RAB7A: variants seen among roughly 807,000 people sequenced by gnomAD.
RAB7A encodes the protein ras-related protein Rab-7a.
Under a neutral mutation model 24.5 loss-of-function variants are expected in RAB7A, and 2 were observed. The ratio of observed to expected loss-of-function variants is 0.08; its 90% CI spans 0.03 to 0.26. The LOEUF (loss-of-function observed/expected upper bound fraction) is 0.26, where lower values mean the gene tolerates loss of function less well. Ranked by LOEUF, RAB7A falls within the 10% of genes least tolerant of loss-of-function variation. The probability of loss-of-function intolerance (pLI) is 1.00; values close to 1 mark genes in which losing one functional copy is unlikely to be tolerated. For missense variants in RAB7A, 118 were observed against 255.7 expected (o/e 0.46, Z 3.67); for synonymous variants, 100 against 95.9 (o/e 1.04, Z -0.25).
At chr3:128,774,318 A>G (rs571407719) in intron 1 of RAB7A, among the ~76,000 whole-genome samples, 3 of 151,710 alleles carry the variant, frequency 2.0e-5, no homozygotes, top group East Asian at 3.9e-4. Flanking sequence ...TAAATGCTAT[A>G]TGGCCAAAAT....
intron 1 of RAB7A, among the ~76,000 whole-genome samples, chr3:128,755,294 A>C (rs547721076): frequency 8.5e-5 from 13 of 152,312 alleles, no homozygotes; most frequent in Admixed American, 7.9e-4. Flanking sequence ...AAAAAAAAGG[A>C]TTAGAAACAA....
chr3:128,768,725 A>T (rs796067811), intron 1 of RAB7A, among the ~76,000 whole-genome samples: 1,768 of 137,266 alleles, frequency 0.013, 32 homozygotes, highest in African/African-American at 0.042. Context: ...CACCTGGCTA[A>T]TTTTTTTTTT....
chr3:128,735,887 C>G (rs912052341), intron 1 of RAB7A, among the ~76,000 whole-genome samples: 1 of 152,206 alleles, frequency 6.6e-6, no homozygotes, highest in South Asian at 2.1e-4. Context: ...CCTGGTCTCT[C>G]GTTAGAGACT....
chr3:128,732,049 T>TTC (rs1483282443), intron 1 of RAB7A, among the ~76,000 whole-genome samples: 1 of 149,852 alleles, frequency 6.7e-6, no homozygotes, highest in South Asian at 2.1e-4. Context: ...TTTTTTTTTT[T>TTC]TCTCTCTCTG....
chr3:128,739,002 G>A (rs781199902), intron 1 of RAB7A, among the ~76,000 whole-genome samples: 4 of 152,056 alleles, frequency 2.6e-5, no homozygotes, highest in Admixed American at 1.3e-4. Flanking sequence ...AGATCCTTTC[G>A]TATTTTGACA....
At chr3:128,727,530 C>T (rs2070392986) in intron 1 of RAB7A, among the ~76,000 whole-genome samples, 1 of 152,208 alleles carries the variant, frequency 6.6e-6, no homozygotes, top group African/African-American at 2.4e-5. Context: ...CCGTTTGCGA[C>T]TTATCACACA....
chr3:128,775,266 C>T (rs996165815), intron 1 of RAB7A, among the ~76,000 whole-genome samples: 1 of 152,178 alleles, frequency 6.6e-6, no homozygotes, highest in Non-Finnish European at 1.5e-5. Context: ...TGGTAGGCCA[C>T]CTGGCTTTTA....
intron 1 of RAB7A, chr3:128,785,454 T>TA (rs1258399571): frequency 6.6e-6 from 1 of 151,776 alleles, no homozygotes; most frequent in Non-Finnish European, 1.5e-5. Context: ...CTCTTGAAAA[T>TA]AAAAAATTAA....
In RAB7A at chr3:128,764,552, A is replaced by G. The variant is rs546229844; in HGVS notation, c.-8-30808A>G. On this transcript the variant is annotated intron_variant, in intron 1 of 5. Transcript: ENST00000265062. ...GATTCGGGGGCTCCCATCTTGTGCA[A>G]GTTGGTCACGTGGTCACCCAATTCT... The G allele has an allele frequency of 1.3e-5, 16 of 1,279,294 alleles. No homozygotes were observed. In the Admixed American group the frequency reaches 1.5e-4, roughly 12 times the overall value. 79.2% of individuals were successfully genotyped at this position (1,279,294 alleles called of 1,614,324 possible).
rs1245245081 is a variant in RAB7A, at chr3:128,813,601, A to G, written c.*179A>G. The G allele has an allele frequency of 2.8e-5, 16 of 565,322 alleles. No individual in the cohort carries two copies. The highest frequency in any genetic ancestry group is 1.2e-4 in the Admixed American group (5 of 41,810). The allele number at this position is 565,322 out of a possible 1,614,324, so 35.0% of individuals were successfully genotyped here. A position where few individuals can be genotyped will look rare whatever the true frequency, so the allele number is the denominator to read the frequency against. ...ACATATCTCTCACACACACACACAC[A>G]CGCACACACACACACACAGATCTGA... is the stretch of plus-strand genomic sequence containing the variant. On this transcript the variant is annotated 3_prime_UTR_variant, in exon 6 of 6. Coordinates refer to ENST00000265062, the MANE Select transcript of RAB7A (RefSeq NM_004637.6).
At chr3:128,767,339 G>T (rs778314577) in intron 1 of RAB7A, among the ~76,000 whole-genome samples, 2 of 152,236 alleles carry the variant, frequency 1.3e-5, no homozygotes, top group East Asian at 3.8e-4. Flanking sequence ...GACCTGGGCT[G>T]TGGGACCCTC....
chr3:128,801,882 G>A (rs951002455), intron 3 of RAB7A, among the ~76,000 whole-genome samples: 63 of 151,790 alleles, frequency 4.2e-4, no homozygotes, highest in Non-Finnish European at 5.6e-4. Context: ...AAAAAAAAAA[G>A]ACTTAAAAAT....
intron 1 of RAB7A, among the ~76,000 whole-genome samples, chr3:128,732,329 C>A (rs931273645): frequency 2.6e-5 from 4 of 151,824 alleles, no homozygotes; most frequent in African/African-American, 9.7e-5. Flanking sequence ...TGAACCACCA[C>A]GCCTGGCCCA....
intron 1 of RAB7A, among the ~76,000 whole-genome samples, chr3:128,729,115 T>C (rs1479268102): frequency 6.6e-6 from 1 of 152,172 alleles, no homozygotes; most frequent in Admixed American, 6.5e-5. Context: ...AGCAACCACT[T>C]GGGGCAATTT....
At chr3:128,776,945 TACACACACACACACACACACACAC>T (rs71153145) in intron 1 of RAB7A, among the ~76,000 whole-genome samples, 1 of 142,358 alleles carries the variant, frequency 7.0e-6, no homozygotes. Flanking sequence ...TTAGTTGAGC[TACACACACACACACACACACACAC>T]ACACACACAC....
intron 1 of RAB7A, among the ~76,000 whole-genome samples, chr3:128,768,048 C>G (rs1476973054): frequency 6.6e-6 from 1 of 152,066 alleles, no homozygotes; most frequent in Non-Finnish European, 1.5e-5. Context: ...CCTGAAGTAT[C>G]CCAGTATTTC....
intron 3 of RAB7A, among the ~76,000 whole-genome samples, chr3:128,803,007 A>G (rs1933731819): frequency 6.6e-6 from 1 of 152,076 alleles, no homozygotes; most frequent in Non-Finnish European, 1.5e-5. Flanking sequence ...ACGGGGTTTC[A>G]CCATGTTGGC....
At chr3:128,767,963 A>G (rs542225237) in intron 1 of RAB7A, among the ~76,000 whole-genome samples, 11 of 152,280 alleles carry the variant, frequency 7.2e-5, no homozygotes, top group South Asian at 2.1e-4. Flanking sequence ...TGTATCTATG[A>G]ATACATACCA....
chr3:128,806,289 A>G (rs780826663), intron 3 of RAB7A, 83 bp from the exon 4 acceptor site: 9 of 1,317,888 alleles, frequency 6.8e-6, no homozygotes, highest in Middle Eastern at 2.7e-4. Flanking sequence ...AATCTAGCCT[A>G]TTTCTTCTGG....
Sources: allele counts gnomAD v4.1 joint callset (sites outside exome capture counted in the v4.1 genomes callset), GRCh38; gene constraint gnomAD v4.1.1; transcripts MANE v1.5; gene names NCBI Gene and HGNC (gene_info 2026-07-23, HGNC 2026-07-21).